Variants in GPM6A observed in about 807,000 individuals in gnomAD.
GPM6A encodes the protein glycoprotein M6A, also known as neuronal membrane glycoprotein M6-a.
Under a neutral mutation model 32.1 loss-of-function variants are expected in GPM6A, and 7 were observed. The observed-to-expected ratio is 0.22, with a 90% CI of 0.12 to 0.41. The LOEUF (loss-of-function observed/expected upper bound fraction) is 0.41, where lower values mean the gene tolerates loss of function less well. GPM6A is among the 10% of genes least tolerant of loss of function. The pLI is 1.00. For synonymous variants in GPM6A, 130 were observed against 123.4 expected (o/e 1.05, Z -0.35); for missense variants, 235 against 347.2 (o/e 0.68, Z 2.57).
intron 1 of GPM6A, among the ~76,000 whole-genome samples, chr4:175,896,283 A>G (rs1051371659): frequency 6.6e-6 from 1 of 152,124 alleles, no homozygotes; most frequent in Non-Finnish European, 1.5e-5. Context: ...CCCAATCCAT[A>G]TAGTTCCTCA....
intron 2 of GPM6A, among the ~76,000 whole-genome samples, chr4:175,679,662 A>C (rs1743571819): frequency 6.6e-6 from 1 of 152,188 alleles, no homozygotes; most frequent in African/African-American, 2.4e-5. Flanking sequence ...ATTCTGATGC[A>C]AGAAGAGCCC....
chr4:175,932,090 G>A (rs1453885256), intron 1 of GPM6A, among the ~76,000 whole-genome samples: 3 of 142,296 alleles, frequency 2.1e-5, no homozygotes, highest in African/African-American at 8.0e-5. Flanking sequence ...GTGAGATCTT[G>A]CCTCTAGGAA....
At chr4:175,674,752 C>T (rs903465680) in intron 2 of GPM6A, among the ~76,000 whole-genome samples, 3 of 152,064 alleles carry the variant, frequency 2.0e-5, no homozygotes, top group African/African-American at 7.2e-5. Context: ...TATGGTTTTA[C>T]AGATAAACAT....
At chr4:175,687,670 A>G (rs994131685) in intron 2 of GPM6A, among the ~76,000 whole-genome samples, 3 of 152,046 alleles carry the variant, frequency 2.0e-5, no homozygotes, top group African/African-American at 7.2e-5. Flanking sequence ...TCCTGATATG[A>G]ACTCTTTTGT....
At chr4:175,974,459 G>A (rs1244212704) in intron 1 of GPM6A, among the ~76,000 whole-genome samples, 2 of 152,054 alleles carry the variant, frequency 1.3e-5, no homozygotes, top group East Asian at 1.9e-4. Flanking sequence ...GGGTTCAAGC[G>A]ATTCTCCAGC....
chr4:175,635,607 A>G (rs1047894608), intron 6 of GPM6A, among the ~76,000 whole-genome samples: 4 of 152,138 alleles, frequency 2.6e-5, no homozygotes, highest in African/African-American at 7.2e-5. Flanking sequence ...ATATTGTGTT[A>G]CATGGATTTT....
intron 1 of GPM6A, among the ~76,000 whole-genome samples, chr4:175,877,217 G>A (rs1412957342): frequency 6.6e-6 from 1 of 152,194 alleles, no homozygotes; most frequent in Non-Finnish European, 1.5e-5. Context: ...TTCCAGGGAT[G>A]AAGTTTTGTC....
intron 1 of GPM6A, among the ~76,000 whole-genome samples, chr4:175,966,116 A>G (rs1002744571): frequency 1.3e-5 from 2 of 152,060 alleles, no homozygotes; most frequent in Non-Finnish European, 2.9e-5. Flanking sequence ...CTTAAAATTT[A>G]TATTTTCAGG....
At chr4:175,891,976 C>T (rs1737662454) in intron 1 of GPM6A, among the ~76,000 whole-genome samples, 1 of 152,186 alleles carries the variant, frequency 6.6e-6, no homozygotes, top group South Asian at 2.1e-4. Context: ...TTCAATGTGG[C>T]TTTTGCCCGT....
chr4:175,950,287 T>C (rs991000697), intron 1 of GPM6A, among the ~76,000 whole-genome samples: 2 of 152,160 alleles, frequency 1.3e-5, no homozygotes, highest in African/African-American at 4.8e-5. Context: ...TGAGACATAA[T>C]AGATGTTTAT....
intron 1 of GPM6A, among the ~76,000 whole-genome samples, chr4:175,967,235 C>T (rs1046569949): frequency 2.6e-5 from 4 of 152,124 alleles, no homozygotes; most frequent in African/African-American, 9.7e-5. Flanking sequence ...AAACATTTGA[C>T]AACCCATTAA....
Position 175,823,023 on chromosome 4 carries a change from T to C in GPM6A, c.-22-10774A>G, listed in dbSNP as rs370524314. Among the ~76,000 whole-genome samples the C allele has an allele frequency of 2.6e-5, 4 of 152,318 alleles. No individual in the cohort carries two copies. In the East Asian group the frequency reaches 7.7e-4, roughly 29 times the overall value. ...ACTGCAGCTAAAATGTTATAGACAT[T>C]GGGCTGGCGATTTTTATAATTTTTT... On this transcript the variant is annotated intron_variant, in intron 1 of 7. Transcript: ENST00000280187.
chr4:175,738,363 ACGCAGAACTCTT>A (rs1579445392), intron 1 of GPM6A, among the ~76,000 whole-genome samples: 1 of 152,102 alleles, frequency 6.6e-6, no homozygotes, highest in East Asian at 1.9e-4. Flanking sequence ...GTGGCCAATC[ACGCAGAACTCTT>A]CAGAAAATGT....
chr4:175,795,032 C>T (rs1313787326), intron 1 of GPM6A, among the ~76,000 whole-genome samples: 1 of 152,054 alleles, frequency 6.6e-6, no homozygotes, highest in Non-Finnish European at 1.5e-5. Context: ...AGGAAATAGT[C>T]GATTACATTA....
chr4:175,746,970 A>G (rs1732128748), intron 1 of GPM6A, among the ~76,000 whole-genome samples: 1 of 152,120 alleles, frequency 6.6e-6, no homozygotes, highest in Admixed American at 6.6e-5. Context: ...ACTCAAATAC[A>G]TTTTTAAAGA....
chr4:175,924,415 C>CT (rs1738765525), intron 1 of GPM6A, among the ~76,000 whole-genome samples: 1 of 152,028 alleles, frequency 6.6e-6, no homozygotes, highest in Admixed American at 6.6e-5. Flanking sequence ...TTGCTAAAGA[C>CT]TGCGAAAGGA....
intron 1 of GPM6A, among the ~76,000 whole-genome samples, chr4:175,856,174 CTG>C (rs952466954): frequency 6.6e-6 from 1 of 152,174 alleles, no homozygotes; most frequent in Admixed American, 6.5e-5. Flanking sequence ...AGAAAAATCA[CTG>C]GGTAAAAAAC....
chr4:175,702,669 C>T (rs1443623134), intron 1 of GPM6A, among the ~76,000 whole-genome samples: 4 of 152,230 alleles, frequency 2.6e-5, no homozygotes, highest in South Asian at 2.1e-4. Flanking sequence ...CACACACCTC[C>T]GTGCCCCATT....
At chr4:175,730,173 C>A (rs1731356004) in intron 1 of GPM6A, among the ~76,000 whole-genome samples, 1 of 151,984 alleles carries the variant, frequency 6.6e-6, no homozygotes, top group South Asian at 2.1e-4. Context: ...TGGTTTATTT[C>A]TCTTCGTAGC....
Sources: gnomAD v4.1 joint callset for allele counts (sites outside exome capture counted in the v4.1 genomes callset) on GRCh38, gnomAD v4.1.1 for gene constraint, MANE v1.5 for transcripts, NCBI Gene and HGNC (gene_info 2026-07-23, HGNC 2026-07-21) for gene names.